Variants in OR1J2 observed in about 807,000 individuals in gnomAD.
OR1J2 encodes olfactory receptor family 1 subfamily J member 2, also known as olfactory receptor 1J2.
For synonymous variants in OR1J2, 142 were observed against 99.7 expected (o/e 1.42, Z -2.52); for missense variants, 304 against 246.1 (o/e 1.24, Z -1.57).
the OR1J2 span, among the ~76,000 whole-genome samples, chr9:122,465,284 G>A: frequency 6.6e-6 from 1 of 152,156 alleles, no homozygotes; most frequent in East Asian, 1.9e-4. Context: ...AAAATCCGGT[G>A]CCAGGCACAC....
At chr9:122,475,266 G>C in the OR1J2 span, 1 of 152,208 alleles carries the variant, frequency 6.6e-6, no homozygotes, top group Non-Finnish European at 1.5e-5. Context: ...TCCACTACCA[G>C]GTACTGGGAT....
At chr9:122,507,770 G>A (rs542100471), upstream of OR1J2, among the ~76,000 whole-genome samples, 26 of 152,284 alleles carry the variant, frequency 1.7e-4, no homozygotes, top group African/African-American at 6.3e-4. Context: ...GTAAAAGGAC[G>A]TAAATTCCTC....
chr9:122,475,458 T>C, the OR1J2 span, among the ~76,000 whole-genome samples: 1 of 152,204 alleles, frequency 6.6e-6, no homozygotes, highest in African/African-American at 2.4e-5. Flanking sequence ...TCCATTAAGC[T>C]TGAGATAAGG....
At chr9:122,519,902 A>G in the OR1J2 span, 10 of 1,613,882 alleles carry the variant, frequency 6.2e-6, no homozygotes, top group African/African-American at 1.3e-4. Context: ...ATTATGGCAC[A>G]ATTATTGGAC....
At chr9:122,501,627 A>T in the OR1J2 span, among the ~76,000 whole-genome samples, 1 of 152,172 alleles carries the variant, frequency 6.6e-6, no homozygotes, top group Non-Finnish European at 1.5e-5. Flanking sequence ...TTCACTCCTG[A>T]ATTTTTAGAC....
At chr9:122,561,960 G>A in the OR1J2 span, among the ~76,000 whole-genome samples, 3 of 152,166 alleles carry the variant, frequency 2.0e-5, no homozygotes, top group Non-Finnish European at 2.9e-5. Context: ...CTGCTGGTCC[G>A]TGGAGACTAT....
chr9:122,532,306 C>CTTG, the OR1J2 span, among the ~76,000 whole-genome samples: 1 of 152,166 alleles, frequency 6.6e-6, no homozygotes, highest in African/African-American at 2.4e-5. Context: ...ATGAGAGGTT[C>CTTG]TAACAGGCGG....
chr9:122,566,761 A>G, the OR1J2 span, among the ~76,000 whole-genome samples: 1 of 141,400 alleles, frequency 7.1e-6, no homozygotes. Flanking sequence ...ATATTTCTAT[A>G]GGCTAGAGTC....
the OR1J2 span, chr9:122,568,349 G>A: frequency 1.2e-6 from 2 of 1,614,116 alleles, no homozygotes; most frequent in African/African-American, 1.3e-5. Flanking sequence ...TGATGAGCAG[G>A]TTCCCTGTTA....
the OR1J2 span, among the ~76,000 whole-genome samples, chr9:122,451,414 A>G: frequency 2.0e-5 from 3 of 151,820 alleles, no homozygotes; most frequent in Admixed American, 6.6e-5. Flanking sequence ...CCAATTCCCA[A>G]CCTCAGGTGA....
chr9:122,568,220 G>A, the OR1J2 span: 1 of 1,614,168 alleles, frequency 6.2e-7, no homozygotes, highest in Non-Finnish European at 8.5e-7. Context: ...TTTCTGACAG[G>A]AAGTTCATCA....
the OR1J2 span, among the ~76,000 whole-genome samples, chr9:122,556,692 A>T: frequency 6.6e-6 from 1 of 152,178 alleles, no homozygotes; most frequent in East Asian, 1.9e-4. Flanking sequence ...AAAGAAAAAA[A>T]AAGTAAGTAG....
the OR1J2 span, among the ~76,000 whole-genome samples, chr9:122,571,939 G>A: frequency 3.3e-5 from 5 of 152,116 alleles, no homozygotes; most frequent in African/African-American, 9.7e-5. Flanking sequence ...TTAAAGTAAA[G>A]AGGTTCAATT....
At chr9:122,569,933 G>T in the OR1J2 span, among the ~76,000 whole-genome samples, 1 of 149,864 alleles carries the variant, frequency 6.7e-6, no homozygotes, top group African/African-American at 2.5e-5. Context: ...TGCGGTGTTT[G>T]GTTTTTTGTT....
chr9:122,479,413 T>C, the OR1J2 span, among the ~76,000 whole-genome samples: 1 of 152,274 alleles, frequency 6.6e-6, no homozygotes, highest in Admixed American at 6.5e-5. Flanking sequence ...TATTGTTTTG[T>C]ATCTCATTTC....
the OR1J2 span, among the ~76,000 whole-genome samples, chr9:122,551,196 T>C: frequency 2.0e-5 from 3 of 152,162 alleles, no homozygotes; most frequent in Non-Finnish European, 4.4e-5. Context: ...ACCTATGAAA[T>C]TGCTTATGAT....
At chr9:122,481,464 T>G in the OR1J2 span, among the ~76,000 whole-genome samples, 1 of 151,498 alleles carries the variant, frequency 6.6e-6, no homozygotes, top group Non-Finnish European at 1.5e-5. Flanking sequence ...TCCGGACACA[T>G]AGAGAACTCC....
At chr9:122,576,244 C>G in the OR1J2 span, among the ~76,000 whole-genome samples, 1 of 151,606 alleles carries the variant, frequency 6.6e-6, no homozygotes, top group Non-Finnish European at 1.5e-5. Flanking sequence ...TTTTTTAAGA[C>G]AGAGTCTTGC....
the OR1J2 span, chr9:122,567,304 T>C: frequency 2.6e-6 from 1 of 378,874 alleles, no homozygotes; most frequent in Non-Finnish European, 4.7e-6. Context: ...TTTTGGAAAA[T>C]GAGAAAGTGG....
Sources: allele counts gnomAD v4.1 joint callset (sites outside exome capture counted in the v4.1 genomes callset), GRCh38; gene constraint gnomAD v4.1.1; transcripts MANE v1.5; gene names NCBI Gene and HGNC (gene_info 2026-07-23, HGNC 2026-07-21).